ARHGEF4: variants seen among roughly 807,000 people sequenced by gnomAD.
ARHGEF4 encodes the protein APC-stimulated guanine nucleotide exchange factor 1.
ARHGEF4 carries 119 observed loss-of-function variants against 162.0 expected under a neutral mutation model. The ratio of observed to expected loss-of-function variants is 0.73; its 90% CI spans 0.63 to 0.86. The LOEUF is 0.86. ARHGEF4 is among the 40% of genes least tolerant of loss of function. ARHGEF4 has a pLI of 0.00. For missense variants in ARHGEF4, 2,488 were observed against 2,456.0 expected (o/e 1.01, Z -0.28); for synonymous variants, 1,014 against 979.9 (o/e 1.03, Z -0.65).
Position 130,915,090 on chromosome 2 carries a change from G to C in ARHGEF4, c.1144G>C (p.Ala382Pro). Residue 382 changes from alanine (A) to proline (P), a missense_variant, in exon 2 of 14, where the codon GCA (alanine) becomes CCA (proline). Physicochemically the swap from Ala to Pro is conservative, Grantham distance 27. Around this residue, in one of 6 missense-constraint regions of ARHGEF4, gnomAD observed 1,642 missense variants for 1,481.5 expected, o/e 1.11. Transcript: ENST00000409359. ...DPRIQNIPSP[A>P]PTQLSGPIPA... ...AAGAATACAAAACATCCCTTCCCCTGCACCCACCCAGCTGTCTGGCCCGAT... is the reference window on the plus strand; with the variant it reads ...AAGAATACAAAACATCCCTTCCCCTCCACCCACCCAGCTGTCTGGCCCGAT... 6.4e-7 allele frequency: 1 copy of C among 1,550,658 alleles called. No homozygotes were observed. Among genetic ancestry groups the C allele is most frequent in the South Asian group, 1.2e-5 (1 of 84,052 alleles).
intron 3 of ARHGEF4, among the ~76,000 whole-genome samples, chr2:130,931,498 C>G (rs758407209): frequency 6.6e-6 from 1 of 152,216 alleles, no homozygotes; most frequent in Non-Finnish European, 1.5e-5. Context: ...CCTCTTCCTT[C>G]TCTGTAGTAT....
intron 1 of ARHGEF4, among the ~76,000 whole-genome samples, chr2:130,849,157 T>C (rs996609229): frequency 1.3e-5 from 2 of 152,218 alleles, no homozygotes; most frequent in Non-Finnish European, 2.9e-5. Context: ...CCCCTCTCAG[T>C]GTCCCAACTT....
chr2:130,879,177 C>T (rs1679042910), intron 1 of ARHGEF4, among the ~76,000 whole-genome samples: 2 of 152,174 alleles, frequency 1.3e-5, no homozygotes, highest in African/African-American at 4.8e-5. Context: ...TGCTTAGGGA[C>T]ACTAACTTAT....
chr2:130,913,939 G>T (rs1346327825), intron 1 of ARHGEF4, 47 bp from the exon 2 acceptor site: 10 of 1,534,410 alleles, frequency 6.5e-6, no homozygotes, highest in Admixed American at 2.0e-5. Context: ...CATGTGCACA[G>T]ATGTACTCAG....
At chr2:131,014,316 A>G (rs1688645104) in intron 4 of ARHGEF4, among the ~76,000 whole-genome samples, 1 of 152,238 alleles carries the variant, frequency 6.6e-6, no homozygotes, top group Non-Finnish European at 1.5e-5. Flanking sequence ...ACCATGTGTC[A>G]GAAACCATGC....
chr2:131,044,630 G>A (rs1026526773), intron 12 of ARHGEF4, 88 bp downstream of exon 12: 34 of 1,476,696 alleles, frequency 2.3e-5, no homozygotes, highest in African/African-American at 4.2e-5. Context: ...GGAGAGCGCC[G>A]CTCAGCCCTC....
At chr2:130,851,537 G>A (rs1168760696) in intron 1 of ARHGEF4, among the ~76,000 whole-genome samples, 2 of 152,252 alleles carry the variant, frequency 1.3e-5, no homozygotes, top group Non-Finnish European at 2.9e-5. Flanking sequence ...GGTGCTCCGG[G>A]CCTGAGTGGG....
intron 4 of ARHGEF4, among the ~76,000 whole-genome samples, chr2:130,982,624 T>C (rs80289526): frequency 3.3e-5 from 1 of 30,412 alleles, no homozygotes; most frequent in Non-Finnish European, 2.6e-4. Flanking sequence ...TTTCTTCTTT[T>C]CTTTCTTACC....
At chr2:130,898,367 C>T (rs1309031433) in intron 1 of ARHGEF4, among the ~76,000 whole-genome samples, 1 of 152,196 alleles carries the variant, frequency 6.6e-6, no homozygotes, top group Non-Finnish European at 1.5e-5. Context: ...TCAGGGTAAG[C>T]GGTTATGTCG....
At chr2:130,897,785 T>C (rs1413810173) in intron 1 of ARHGEF4, among the ~76,000 whole-genome samples, 1 of 152,146 alleles carries the variant, frequency 6.6e-6, no homozygotes, top group Non-Finnish European at 1.5e-5. Context: ...TGGCGACTCT[T>C]CCAGAAAAGT....
At chr2:130,966,494 AG>A (rs1685013221) in intron 4 of ARHGEF4, among the ~76,000 whole-genome samples, 2 of 152,242 alleles carry the variant, frequency 1.3e-5, no homozygotes, top group South Asian at 4.1e-4. Context: ...TCTACATGCC[AG>A]GCACAATATT....
At chr2:130,841,665 G>A (rs1418362934) in intron 1 of ARHGEF4, among the ~76,000 whole-genome samples, 1 of 152,224 alleles carries the variant, frequency 6.6e-6, no homozygotes, top group African/African-American at 2.4e-5. Flanking sequence ...ATTCCAAGCT[G>A]TTGGTGTTCT....
chr2:130,863,881 G>A (rs1682064727), intron 1 of ARHGEF4, among the ~76,000 whole-genome samples: 1 of 108,360 alleles, frequency 9.2e-6, no homozygotes, highest in East Asian at 2.6e-4. Flanking sequence ...GTGGAATACT[G>A]CTCAACAACA....
At chr2:130,970,651 A>G (rs1007053276) in intron 4 of ARHGEF4, among the ~76,000 whole-genome samples, 1 of 150,612 alleles carries the variant, frequency 6.6e-6, no homozygotes, top group Non-Finnish European at 1.5e-5. Flanking sequence ...TTTGGTTTTC[A>G]TTTGCATTTT....
intron 4 of ARHGEF4, among the ~76,000 whole-genome samples, chr2:131,004,369 G>C (rs1687978994): frequency 6.6e-6 from 1 of 152,142 alleles, no homozygotes; most frequent in Non-Finnish European, 1.5e-5. Context: ...GTTTAACCGT[G>C]TTAGCCAGGA....
At chr2:131,035,743 C>T in intron 5 of ARHGEF4, 1 of 985,068 alleles carries the variant, frequency 1.0e-6, no homozygotes, top group African/African-American at 1.7e-5. Context: ...ACGGGCAGAG[C>T]CCCTCTGCCC....
intron 4 of ARHGEF4, among the ~76,000 whole-genome samples, chr2:131,025,032 G>A (rs1292123790): frequency 3.9e-5 from 6 of 152,118 alleles, no homozygotes; most frequent in Non-Finnish European, 4.4e-5. Context: ...CCTCCAGGTC[G>A]GAGACAGAGT....
chr2:130,857,048 C>T (rs1002111330), intron 1 of ARHGEF4, among the ~76,000 whole-genome samples: 1 of 152,040 alleles, frequency 6.6e-6, no homozygotes, highest in African/African-American at 2.4e-5. Context: ...TGGTGAAACC[C>T]CGTCTCTACT....
chr2:130,964,318 G>GC (rs1190542663), intron 4 of ARHGEF4: 50 of 920,390 alleles, frequency 5.4e-5, no homozygotes, highest in Non-Finnish European at 6.4e-5. Context: ...GGGACCCCCC[G>GC]CCCCCCTCCT....
Sources: allele counts gnomAD v4.1 joint callset (sites outside exome capture counted in the v4.1 genomes callset), GRCh38; gene constraint gnomAD v4.1.1; regional missense constraint gnomAD v4.1.1; transcripts MANE v1.5; gene names NCBI Gene and HGNC (gene_info 2026-07-23, HGNC 2026-07-21).